The following KDM2B variants were observed in gnomAD, a reference collection of about 807,000 sequenced individuals.
The protein encoded by KDM2B is lysine-specific demethylase 2B.
A neutral mutation model predicts 150.0 loss-of-function variants in KDM2B; 26 were observed. The observed-to-expected ratio is 0.17, with a 90% CI of 0.13 to 0.24. KDM2B has a LOEUF of 0.24. KDM2B is among the 10% of genes least tolerant of loss of function. The pLI is 1.00. For missense variants in KDM2B, 1,265 were observed against 1,816.9 expected, an observed-to-expected ratio of 0.70 and a Z score of 5.52; for synonymous variants, 734 against 729.5, an observed-to-expected ratio of 1.01 and a Z score of -0.10.
In KDM2B at chr12:121,442,389, T is replaced by C. The variant is rs1001352745; in HGVS notation, c.3052A>G (p.Ser1018Gly). 1.9e-6 allele frequency: 3 copies of C among 1,591,038 alleles called. No homozygotes were observed. The highest frequency in any genetic ancestry group is 2.6e-6 in the Non-Finnish European group (3 of 1,170,820). Residue 1018 changes from serine to glycine, a missense_variant, in exon 19 of 23, where the codon AGC (serine) becomes GGC (glycine). Around this residue, in one of 11 missense-constraint regions of KDM2B, gnomAD observed 418 missense variants for 402.4 expected, o/e 1.04. Coordinates refer to ENST00000377071, the MANE Select transcript of KDM2B (RefSeq NM_032590.5). The surrounding 1 kb of genome is among the most constrained non-coding windows in gnomAD (Gnocchi z 7.7). The stretch of plus-strand genomic sequence containing the variant: ...GGCCGGGAGATGACACGGGGCGGGC[T>C]GCGCAGGCTGGGCCCCAGCTGGTGC... The part of the protein sequence containing the change: ...LRHQLGPSLR[S>G]PPRVISRPPP...
intron 9 of KDM2B, chr12:121,516,867 G>GAAAAAA: frequency 1.8e-6 from 1 of 553,696 alleles, no homozygotes; most frequent in Non-Finnish European, 3.1e-6. Flanking sequence ...TTTTCTCCTG[G>GAAAAAA]AAAAAAAAAA....
chr12:121,575,748 C>A lies in KDM2B; in HGVS notation c.350+33G>T. 6.9e-7 allele frequency: 1 copy of A among 1,442,774 alleles called. No homozygotes were observed. The highest frequency in any genetic ancestry group is 2.3e-5 in the East Asian group (1 of 44,080). 89.4% of individuals were successfully genotyped at this position (1,442,774 alleles called of 1,614,324 possible). On this transcript the variant is annotated intron_variant, in intron 3 of 22. Coordinates refer to ENST00000377071, the MANE Select transcript of KDM2B (RefSeq NM_032590.5). The surrounding 1 kb of genome is among the most constrained non-coding windows in gnomAD (Gnocchi z 4.4). ...CTATAAAGTATGTTAGGGAGGAAGA[C>A]GGGGGAAGGAGTGATTAGTTTCAGC...
At chr12:121,543,546 C>A (rs1243180319) in intron 6 of KDM2B, among the ~76,000 whole-genome samples, 1 of 152,048 alleles carries the variant, frequency 6.6e-6, no homozygotes, top group Non-Finnish European at 1.5e-5. Flanking sequence ...AAAAGATCAG[C>A]CGGGCCTGGT....
At chr12:121,433,136 C>A in intron 22 of KDM2B, 1 of 456,700 alleles carries the variant, frequency 2.2e-6, no homozygotes, top group South Asian at 1.5e-5. Context: ...TCATGCCCAG[C>A]CAGCATTCTT....
At chr12:121,498,858 G>C (rs1884236772) in intron 11 of KDM2B, among the ~76,000 whole-genome samples, 1 of 152,076 alleles carries the variant, frequency 6.6e-6, no homozygotes, top group African/African-American at 2.4e-5. Context: ...AGTTGCCCAG[G>C]CTTGAGTGCT....
At chr12:121,409,373 T>C in the KDM2B span, 1 of 152,036 alleles carries the variant, frequency 6.6e-6, no homozygotes, top group Non-Finnish European at 1.5e-5. Context: ...TGTAGACAGG[T>C]CTTGGGGAGT....
At chr12:121,446,201 C>G (rs907296516) in intron 13 of KDM2B, among the ~76,000 whole-genome samples, 3 of 152,090 alleles carry the variant, frequency 2.0e-5, no homozygotes, top group East Asian at 3.9e-4. Context: ...CGAGACCATC[C>G]CGGCTACCAC....
intron 4 of KDM2B, among the ~76,000 whole-genome samples, chr12:121,551,376 C>T (rs1889478637): frequency 1.4e-5 from 2 of 147,154 alleles, no homozygotes; most frequent in African/African-American, 5.0e-5. Flanking sequence ...GACAGGGTCT[C>T]GCTCTGTCAC....
chr12:121,464,019 T>C (rs1879477026), intron 12 of KDM2B, among the ~76,000 whole-genome samples: 1 of 151,470 alleles, frequency 6.6e-6, no homozygotes, highest in Non-Finnish European at 1.5e-5. Context: ...AGGCCAGAAG[T>C]TCAAGACCAG....
chr12:121,479,200 A>G (rs1026892711), intron 12 of KDM2B, among the ~76,000 whole-genome samples: 4 of 152,004 alleles, frequency 2.6e-5, no homozygotes, highest in African/African-American at 9.7e-5. Flanking sequence ...CTGTAATCCC[A>G]GCACTTTGGG....
At position 121,472,753 on chromosome 12, in the gene KDM2B, T is replaced by C. The variant is rs550717070; in HGVS notation, c.1735-19409A>G. On this transcript the variant is annotated intron_variant, in intron 12 of 22. Coordinates refer to ENST00000377071, the MANE Select transcript of KDM2B (RefSeq NM_032590.5). ...GCCTTTGCTGACCTTAGAAAGTTAC[T>C]TCCCTTCTCTATTCATTTCCCTATC... Among the ~76,000 whole-genome samples the C allele has an allele frequency of 5.3e-5, 8 of 152,302 alleles. No individual in the cohort carries two copies. The East Asian group carries it at 1.4e-3, about 26-fold the overall frequency.
In KDM2B at chr12:121,429,992, T is replaced by C. The variant is rs781966048; in HGVS notation, c.*296A>G. The C allele has an allele frequency of 3.1e-4, 259 of 848,692 alleles. No individual in the cohort carries two copies. Among genetic ancestry groups the C allele is most frequent in the Admixed American group, 1.7e-4 (9 of 54,014 alleles). The allele number at this position is 848,692 out of a possible 1,614,324, so 52.6% of individuals were successfully genotyped here. On this transcript the variant is annotated 3_prime_UTR_variant, in exon 23 of 23. Coordinates refer to ENST00000377071, the MANE Select transcript of KDM2B (RefSeq NM_032590.5). ...AGAAACTCCTAAGCTCATGCTTCAG[T>C]ATGAGAATTTCTCCGAAGTCCACCC... is the stretch of plus-strand genomic sequence containing the variant.
At chr12:121,490,103 G>T (rs782102796) in intron 12 of KDM2B, among the ~76,000 whole-genome samples, 7 of 152,188 alleles carry the variant, frequency 4.6e-5, no homozygotes, top group Non-Finnish European at 7.3e-5. Context: ...GTGTCACTCC[G>T]GAGGGACCCC....
intron 16 of KDM2B, 53 bp from the exon 17 acceptor site, chr12:121,443,846 T>G: frequency 7.1e-7 from 1 of 1,405,218 alleles, no homozygotes; most frequent in Middle Eastern, 1.9e-4. Flanking sequence ...TCCCCTCCTT[T>G]CTTTGGGGCA....
In KDM2B at chr12:121,533,708, G is replaced by A. The variant is rs1234243270; in HGVS notation, c.778-749C>T. Reference sequence around the variant, plus strand: ...CCAAGCTTCAAATCTGGCCCAAGGAGCTTTGAACACCAGACTGGGTGAGTG... The same window carrying A: ...CCAAGCTTCAAATCTGGCCCAAGGAACTTTGAACACCAGACTGGGTGAGTG... On this transcript the variant is annotated intron_variant, in intron 7 of 22. Transcript: ENST00000377071. This position sits in a 1 kb window ranked among gnomAD's most constrained non-coding sequence, Gnocchi z 4.1. Among the ~76,000 whole-genome samples, 3 of 152,206 alleles carry A rather than the reference G, an allele frequency of 2.0e-5. No homozygotes were observed. The highest frequency in any genetic ancestry group is 2.0e-4 in the Admixed American group (3 of 15,274).
At chr12:121,432,097 G>A (rs1424391472) in intron 22 of KDM2B, among the ~76,000 whole-genome samples, 4 of 151,862 alleles carry the variant, frequency 2.6e-5, no homozygotes, top group Admixed American at 6.6e-5. Flanking sequence ...AGCCAGGCTG[G>A]TCTTGAACTC....
At position 121,549,743 on chromosome 12, in the gene KDM2B, A is replaced by G; in HGVS notation, c.398-105T>C. On this transcript the variant is annotated intron_variant, in intron 4 of 22. Coordinates refer to ENST00000377071, the MANE Select transcript of KDM2B (RefSeq NM_032590.5). The surrounding 1 kb of genome is among the most constrained non-coding windows in gnomAD (Gnocchi z 4.4). ...AAGCTGCTCCTCCACGTTTCCCCAC[A>G]GTCCTCACCCCTCTTCCTCATCTGT... 9.9e-7 allele frequency: 1 copy of G among 1,005,180 alleles called. No individual in the cohort carries two copies. The highest frequency in any genetic ancestry group is 1.4e-6 in the Non-Finnish European group (1 of 694,232). 62.3% of individuals were successfully genotyped at this position (1,005,180 alleles called of 1,614,324 possible). A position where few individuals can be genotyped will look rare whatever the true frequency, so the allele number is the denominator to read the frequency against.
At chr12:121,466,970 G>A (rs1157529624) in intron 12 of KDM2B, among the ~76,000 whole-genome samples, 14 of 148,452 alleles carry the variant, frequency 9.4e-5, no homozygotes, top group Non-Finnish European at 1.5e-4. Context: ...TGCCCGGGCC[G>A]GCTGCGGGCC....
chr12:121,485,884 C>T (rs1309977032), intron 12 of KDM2B, among the ~76,000 whole-genome samples: 4 of 151,164 alleles, frequency 2.6e-5, no homozygotes, highest in Non-Finnish European at 4.4e-5. Context: ...TCATACAATT[C>T]TCCTGCCTCT....
Sources: allele counts gnomAD v4.1 joint callset (sites outside exome capture counted in the v4.1 genomes callset), GRCh38; gene constraint gnomAD v4.1.1; regional missense constraint gnomAD v4.1.1; non-coding constraint Gnocchi (gnomAD v3.1); transcripts MANE v1.5; gene names NCBI Gene and HGNC (gene_info 2026-07-23, HGNC 2026-07-21).